The following MAZ variants were observed in gnomAD, a reference collection of about 807,000 sequenced individuals.
MAZ encodes myc-associated zinc finger protein.
In MAZ, 4 loss-of-function variants were observed where a neutral mutation model predicts 32.7. The observed-to-expected ratio is 0.12, with a 90% CI of 0.06 to 0.28. The LOEUF (loss-of-function observed/expected upper bound fraction) is 0.28. MAZ is among the 10% of genes least tolerant of loss of function. The pLI is 1.00. For synonymous variants in MAZ, 510 were observed against 297.6 expected, an observed-to-expected ratio of 1.71 and a Z score of -7.35; for missense variants, 763 against 667.2, an observed-to-expected ratio of 1.14 and a Z score of -1.58.
At position 29,807,832 on chromosome 16, in the gene MAZ, TGCACGGGGCCTCGGCCGCCC is replaced by T. The variant is rs746294638; in HGVS notation, c.1043+7_1043+26del. On this transcript the variant is annotated splice_donor_5th_base_variant and intron_variant, in intron 2 of 4. Coordinates refer to ENST00000322945, the MANE Select transcript of MAZ (RefSeq NM_002383.4). Reference sequence around the variant, plus strand: ...ACTGTGGCAAGAGCTTCTCCCGGTGTGCACGGGGCCTCGGCCGCCCGCTAGGCCGTGGGGAGGGAGGGACG... The same window carrying T: ...ACTGTGGCAAGAGCTTCTCCCGGTGTGCTAGGCCGTGGGGAGGGAGGGACG... 6.2e-7 allele frequency: 1 copy of T among 1,602,054 alleles called. No individual in the cohort carries two copies. Among genetic ancestry groups the T allele is most frequent in the Admixed American group, 1.7e-5 (1 of 59,940 alleles).
In MAZ at chr16:29,810,223, C is replaced by T. The variant is rs1357127424; in HGVS notation, c.1426C>T (p.Pro476Ser). Reference sequence around the variant, plus strand: ...GAGCTCTCAGCCACTTCCCTCCCAACCCTGGTGAGCTCCAAGTTGGTTGCG... The same window carrying T: ...GAGCTCTCAGCCACTTCCCTCCCAATCCTGGTGAGCTCCAAGTTGGTTGCG... ...PVSSQPLPSQ[P>S]W Residue 476 changes from proline (P) to serine (S), a missense_variant, in exon 5 of 5, where the codon CCC becomes TCC. By Grantham distance (74) the Pro-to-Ser change is moderately conservative (BLOSUM62 -1). Coordinates refer to ENST00000322945, the MANE Select transcript of MAZ (RefSeq NM_002383.4). 6.9e-6 allele frequency: 11 copies of T among 1,591,006 alleles called. No homozygotes were observed. Among genetic ancestry groups the T allele is most frequent in the African/African-American group, 1.3e-5 (1 of 74,524 alleles).
At chr16:29,810,015 G>A in intron 4 of MAZ, 62 bp from the exon 5 acceptor site, 1 of 1,559,594 alleles carries the variant, frequency 6.4e-7, no homozygotes, top group South Asian at 1.2e-5. Flanking sequence ...GAAGGTGTGG[G>A]GTGAGGGCAA....
intron 3 of MAZ, 37 bp downstream of exon 3, chr16:29,808,330 A>C: frequency 6.3e-7 from 1 of 1,589,858 alleles, no homozygotes; most frequent in Non-Finnish European, 8.6e-7. Context: ...GGTTTTCATG[A>C]TTTTGATCCT....
At position 29,807,079 on chromosome 16, in the gene MAZ, TGCTGCGGCCGCTGCCGCC is replaced by T. The variant is rs1460698014; in HGVS notation, c.300_317del (p.Ala103_Ala108del). 3.0e-6 allele frequency: 3 copies of T among 1,012,138 alleles called. No homozygotes were observed. The East Asian group carries it at 2.9e-4, about 99-fold the overall frequency. 62.7% of individuals were successfully genotyped at this position (1,012,138 alleles called of 1,614,324 possible). On this transcript the variant is annotated inframe_deletion, in exon 2 of 5. Coordinates refer to ENST00000322945, the MANE Select transcript of MAZ (RefSeq NM_002383.4). ...CCGCCGCCCAGGAGTCCGCCGCGGC[TGCTGCGGCCGCTGCCGCC>T]GCTGCTGCCGCCGTCGCTGCCGCGC...
chr16:29,810,139 G>A lies in MAZ; in HGVS notation c.1342G>A (p.Ala448Thr), dbSNP rs1210321496. The A allele has an allele frequency of 6.2e-7, 1 of 1,610,756 alleles. No homozygotes were observed. The highest frequency in any genetic ancestry group is 2.2e-5 in the East Asian group (1 of 44,824). The change falls in exon 5 of 5, where the codon GCA (alanine) becomes ACA (threonine). Residue 448 changes from alanine to threonine, a missense_variant. Coordinates refer to ENST00000322945, the MANE Select transcript of MAZ (RefSeq NM_002383.4). ...AAAAAAAAAA[A>T]VAAPPTAVGS... ...AGCGGCGGCAGCGGCAGCAGCGGCA[G>A]CAGTAGCAGCCCCTCCCACAGCTGT...
At chr16:29,808,768 C>T (rs1899715316) in intron 4 of MAZ, 27 bp downstream of exon 4, 31 of 1,609,050 alleles carry the variant, frequency 1.9e-5, no homozygotes, top group Non-Finnish European at 2.6e-5. Context: ...GCCGGGAGGG[C>T]CAGGGGCAGA....
Position 29,808,625 on chromosome 16 carries a change from A to T in MAZ, c.1163A>T (p.His388Leu). The change falls in exon 4 of 5, where the codon CAC becomes CTC. Residue 388 changes from histidine to leucine, a missense_variant. Transcript: ENST00000322945. ...KDRLRAHTVR[H>L]EEKVPCHVCG... ...CGGCTGCGGGCGCACACAGTACGAC[A>T]CGAGGAGAAAGTGCCATGTCACGTG... 1 of 1,613,092 alleles carries T rather than the reference A, an allele frequency of 6.2e-7. No homozygotes were observed. The highest frequency in any genetic ancestry group is 8.5e-7 in the Non-Finnish European group (1 of 1,179,836).
At position 29,806,764 on chromosome 16, in the gene MAZ, C is replaced by A. The variant is rs905972182; in HGVS notation, c.63C>A (p.Ser21=). Residue 21 remains serine, a synonymous_variant, in exon 1 of 5, where the codon TCC becomes TCA. Transcript: ENST00000322945. ...APPFPVLGLD[S]RGVGGLMNSF... is the part of the protein sequence containing the mutation. ...CCTTCCCCGTGCTGGGCCTGGACTC[C>A]CGGGGGGTGGGCGGCCTCATGAACT... 5 of 1,436,492 alleles carry A rather than the reference C, an allele frequency of 3.5e-6. No homozygotes were observed. The African/African-American group carries it at 7.6e-5, about 22-fold the overall frequency. 89.0% of individuals were successfully genotyped at this position (1,436,492 alleles called of 1,614,324 possible).
At chr16:29,806,916 G>T in intron 1 of MAZ, 23 bp downstream of exon 1, 2 of 1,229,596 alleles carry the variant, frequency 1.6e-6, no homozygotes, top group Non-Finnish European at 1.0e-6. Context: ...GGCCGCGGCG[G>T]CCCGGGCTGG....
intron 4 of MAZ, 116 bp downstream of exon 4, chr16:29,808,857 C>A (rs1226170123): frequency 2.9e-6 from 3 of 1,019,658 alleles, no homozygotes; most frequent in Non-Finnish European, 4.3e-6. Context: ...CGTCTAGATT[C>A]CTACAAGAGG....
In MAZ at chr16:29,810,098, TGGCGGCGGCAGCGGCAGCGGCGGC is replaced by T; in HGVS notation, c.1302_1325del (p.Met434_Ala442delinsIle). ...GCAGGTACTGGTGAGGTTTGTCCAA[TGGCGGCGGCAGCGGCAGCGGCGGC>T]AGCGGCAGCAGCGGCAGCAGTAGCA... On this transcript the variant is annotated inframe_deletion, in exon 5 of 5. Coordinates refer to ENST00000322945, the MANE Select transcript of MAZ (RefSeq NM_002383.4). 6.2e-7 allele frequency: 1 copy of T among 1,607,760 alleles called. No homozygotes were observed. The highest frequency in any genetic ancestry group is 8.5e-7 in the Non-Finnish European group (1 of 1,176,910).
chr16:29,807,322 C>G lies in MAZ; in HGVS notation c.537C>G (p.Ala179=), dbSNP rs745795093. ...STVAVAPVAS[A]LEKKTKSKGP... ...TCGCCGTGGCCCCGGTCGCGTCTGCCTTGGAGAAGAAGACAAAGAGCAAGG... is the reference window on the plus strand; with the variant it reads ...TCGCCGTGGCCCCGGTCGCGTCTGCGTTGGAGAAGAAGACAAAGAGCAAGG... The change falls in exon 2 of 5, where the codon GCC becomes GCG. Residue 179 remains alanine (A), a synonymous_variant. Coordinates refer to ENST00000322945, the MANE Select transcript of MAZ (RefSeq NM_002383.4). 9.3e-6 allele frequency: 15 copies of G among 1,607,514 alleles called. No individual in the cohort carries two copies. The East Asian group carries it at 3.1e-4, about 34-fold the overall frequency.
chr16:29,810,289 T>C lies in MAZ; in HGVS notation c.*58T>C. 6.7e-7 allele frequency: 1 copy of C among 1,495,930 alleles called. No individual in the cohort carries two copies. The allele number at this position is 1,495,930 out of a possible 1,614,324, so 92.7% of individuals were successfully genotyped here. A position where few individuals can be genotyped will look rare whatever the true frequency, so the allele number is the denominator to read the frequency against. On this transcript the variant is annotated 3_prime_UTR_variant, in exon 5 of 5. Coordinates refer to ENST00000322945, the MANE Select transcript of MAZ (RefSeq NM_002383.4). The stretch of plus-strand genomic sequence containing the variant: ...TGGAGTAGAGTCCCTTGGTACAAGC[T>C]CCTCTCCCCCCTCTTTTCCCACCAA...
intron 2 of MAZ, 30 bp from the exon 3 acceptor site, chr16:29,808,200 G>T (rs745769789): frequency 3.1e-6 from 5 of 1,603,970 alleles, no homozygotes; most frequent in Non-Finnish European, 4.3e-6. Context: ...CACCACCTCC[G>T]CCCTAACCCC....
intron 4 of MAZ, 154 bp from the exon 5 acceptor site, chr16:29,809,923 G>T: frequency 3.1e-6 from 4 of 1,304,186 alleles, no homozygotes; most frequent in Non-Finnish European, 4.2e-6. Context: ...GAACTGCTCT[G>T]TCTGGGTGAG....
intron 4 of MAZ, 82 bp downstream of exon 4, chr16:29,808,823 G>C: frequency 6.3e-6 from 9 of 1,438,938 alleles, no homozygotes; most frequent in South Asian, 1.3e-5. Context: ...ACGGGTTAAG[G>C]GTGCTGTAGC....
At position 29,807,838 on chromosome 16, in the gene MAZ, G is replaced by A. The variant is rs562651160; in HGVS notation, c.1043+10G>A. On this transcript the variant is annotated intron_variant, in intron 2 of 4. Transcript: ENST00000322945. ...GCAAGAGCTTCTCCCGGTGTGCACGGGGCCTCGGCCGCCCGCTAGGCCGTG... is the reference window on the plus strand; with the variant it reads ...GCAAGAGCTTCTCCCGGTGTGCACGAGGCCTCGGCCGCCCGCTAGGCCGTG... 6 of 1,599,482 alleles carry A rather than the reference G, an allele frequency of 3.8e-6. No homozygotes were observed. The highest frequency in any genetic ancestry group is 2.7e-5 in the African/African-American group (2 of 74,970).
At position 29,807,107 on chromosome 16, in the gene MAZ, G is replaced by T. The variant is rs1265967348; in HGVS notation, c.322G>T (p.Ala108Ser). ...TGCGGCCGCTGCCGCCGCTGCTGCC[G>T]CCGTCGCTGCCGCGCCCCCGGCCCC... ...AAAAAAAAAA[A>S]VAAAPPAPAA... The change falls in exon 2 of 5, where the codon GCC becomes TCC. Residue 108 changes from alanine (A) to serine (S), a missense_variant. Coordinates refer to ENST00000322945, the MANE Select transcript of MAZ (RefSeq NM_002383.4). 2 of 996,216 alleles carry T rather than the reference G, an allele frequency of 2.0e-6. No individual in the cohort carries two copies. The highest frequency in any genetic ancestry group is 2.4e-6 in the Non-Finnish European group (2 of 825,508). The allele number at this position is 996,216 out of a possible 1,614,324, so 61.7% of individuals were successfully genotyped here. A position where few individuals can be genotyped will look rare whatever the true frequency, so the allele number is the denominator to read the frequency against.
Position 29,810,786 on chromosome 16 carries a change from A to C in MAZ, c.*555A>C. The C allele has an allele frequency of 5.6e-6, 2 of 354,546 alleles. No individual in the cohort carries two copies. Among genetic ancestry groups the C allele is most frequent in the Admixed American group, 4.0e-5 (1 of 24,972 alleles). 22.0% of individuals were successfully genotyped at this position (354,546 alleles called of 1,614,324 possible). A position where few individuals can be genotyped will look rare whatever the true frequency, so the allele number is the denominator to read the frequency against. On this transcript the variant is annotated 3_prime_UTR_variant, in exon 5 of 5. Coordinates refer to ENST00000322945, the MANE Select transcript of MAZ (RefSeq NM_002383.4). ...GGGCCGGCAAAGGTTGTACCTTCATAAGGTGGTATGGGGGGTTGGGGTCAG... is the reference window on the plus strand; with the variant it reads ...GGGCCGGCAAAGGTTGTACCTTCATCAGGTGGTATGGGGGGTTGGGGTCAG...
Sources: allele counts gnomAD v4.1 joint callset, GRCh38; gene constraint gnomAD v4.1.1; transcripts MANE v1.5; gene names NCBI Gene and HGNC (gene_info 2026-07-23, HGNC 2026-07-21).